The following NINL variants were observed in gnomAD, a reference collection of about 807,000 sequenced individuals.
NINL encodes ninein like, also known as ninein-like protein.
Under a neutral mutation model 160.3 loss-of-function variants are expected in NINL, and 153 were observed. That is an observed-to-expected ratio of 0.95 (90% CI 0.84 to 1.09). The LOEUF is 1.09. Among genes scored for constraint, NINL ranks in the 50% least tolerant of loss-of-function variants. The pLI is 0.00. For synonymous variants in NINL, 800 were observed against 734.8 expected, an observed-to-expected ratio of 1.09 and a Z score of -1.43; for missense variants, 1,829 against 1,764.0, an observed-to-expected ratio of 1.04 and a Z score of -0.66.
chr20:25,494,761 G>A (rs2063717407), intron 10 of NINL, among the ~76,000 whole-genome samples: 1 of 152,338 alleles, frequency 6.6e-6, no homozygotes, highest in East Asian at 1.9e-4. Context: ...TGGAGATGGG[G>A]GGCGCCCACT....
At chr20:25,548,351 G>A (rs907439503) in intron 1 of NINL, among the ~76,000 whole-genome samples, 1 of 152,180 alleles carries the variant, frequency 6.6e-6, no homozygotes, top group Non-Finnish European at 1.5e-5. Context: ...TCACCACTGA[G>A]CTCCACAAGA....
chr20:25,476,476 G>A lies in NINL; in HGVS notation c.2815C>T (p.Arg939Trp), dbSNP rs776775725. The A allele has an allele frequency of 2.5e-5, 40 of 1,606,112 alleles. No individual in the cohort carries two copies. The South Asian group carries it at 3.4e-4, about 14-fold the overall frequency. ...TCTGTTCCCAGCAGAGGCAGCTCCC[G>A]GGCTCCAGGCTGCTCCAGCCCCGCT... The part of the protein sequence containing the change: ...SAAGLEQPGA[R>W]ELPLLGTERD... The change falls in exon 17 of 24, where the codon CGG (arginine) becomes TGG (tryptophan). Residue 939 changes from arginine (R) to tryptophan (W), a missense_variant. By Grantham distance (101) the Arg-to-Trp change is moderately radical (BLOSUM62 -3). Coordinates refer to ENST00000278886, the MANE Select transcript of NINL (RefSeq NM_025176.6).
intron 21 of NINL, among the ~76,000 whole-genome samples, chr20:25,460,288 C>T (rs927763992): frequency 6.6e-6 from 1 of 152,202 alleles, no homozygotes; most frequent in East Asian, 1.9e-4. Context: ...CTGGAAGCCC[C>T]CAGCTTCCTG....
chr20:25,461,608 C>G lies in NINL; in HGVS notation c.3610G>C (p.Glu1204Gln), dbSNP rs780320692. 2 of 1,612,690 alleles carry G rather than the reference C, an allele frequency of 1.2e-6. No individual in the cohort carries two copies. Among genetic ancestry groups the G allele is most frequent in the Non-Finnish European group, 1.7e-6 (2 of 1,179,456 alleles). The change falls in exon 21 of 24, where the codon GAA (glutamate) becomes CAA (glutamine). Residue 1204 changes from glutamate to glutamine, a missense_variant. By Grantham distance (29) the Glu-to-Gln change is conservative. Coordinates refer to ENST00000278886, the MANE Select transcript of NINL (RefSeq NM_025176.6). ...QSDQIQKLRVELECLNQEHQS... is the reference protein window; with the variant it reads ...QSDQIQKLRVQLECLNQEHQS... ...TGTTCCTGATTCAGGCATTCAAGTT[C>G]AACTCTAAGTTTTTGGATTTGGTCA...
At chr20:25,537,286 T>C (rs966286473) in intron 1 of NINL, among the ~76,000 whole-genome samples, 2 of 152,032 alleles carry the variant, frequency 1.3e-5, no homozygotes, top group African/African-American at 4.8e-5. Flanking sequence ...CTTCCCTATG[T>C]TACCCAGGCT....
intron 7 of NINL, among the ~76,000 whole-genome samples, chr20:25,502,716 G>A (rs1182912616): frequency 6.6e-6 from 1 of 152,074 alleles, no homozygotes; most frequent in African/African-American, 2.4e-5. Flanking sequence ...CATGAGACCT[G>A]GTTGTTTAAA....
intron 14 of NINL, among the ~76,000 whole-genome samples, chr20:25,481,202 G>A (rs529653832): frequency 6.8e-4 from 104 of 152,310 alleles, no homozygotes; most frequent in Admixed American, 1.8e-3. Context: ...CTTCTCTGAG[G>A]GGCTGAGGTT....
At chr20:25,491,307 C>G (rs373829537) in intron 11 of NINL, 44 bp downstream of exon 11, 14 of 1,565,402 alleles carry the variant, frequency 8.9e-6, no homozygotes, top group Non-Finnish European at 1.0e-5. Flanking sequence ...GGGGAATGCT[C>G]AGGCACCCCC....
intron 5 of NINL, among the ~76,000 whole-genome samples, chr20:25,507,786 C>T (rs1364977070): frequency 2.6e-5 from 4 of 152,318 alleles, no homozygotes; most frequent in Middle Eastern, 3.4e-3. Flanking sequence ...AGGCCACCTT[C>T]GAGGTCCCTT....
chr20:25,511,680 A>C (rs751021433), intron 4 of NINL, among the ~76,000 whole-genome samples: 14 of 152,226 alleles, frequency 9.2e-5, no homozygotes, highest in Admixed American at 4.6e-4. Context: ...ATCCACCACA[A>C]GGAGGAGATT....
intron 1 of NINL, among the ~76,000 whole-genome samples, chr20:25,561,590 G>A (rs935537800): frequency 6.6e-6 from 1 of 151,510 alleles, no homozygotes; most frequent in African/African-American, 2.4e-5. Flanking sequence ...GAAGTGAGGA[G>A]CACCTCTTCC....
chr20:25,466,597 C>T (rs2062919338), intron 19 of NINL, among the ~76,000 whole-genome samples: 2 of 150,954 alleles, frequency 1.3e-5, no homozygotes, highest in East Asian at 2.0e-4. Flanking sequence ...GTCAGGAGTT[C>T]GAGACCGGCC....
chr20:25,534,830 C>T (rs1046443217), intron 1 of NINL, among the ~76,000 whole-genome samples: 2 of 152,174 alleles, frequency 1.3e-5, no homozygotes, highest in African/African-American at 4.8e-5. Flanking sequence ...TGCATATCCT[C>T]CTGTATACTT....
chr20:25,557,496 A>G (rs2064880530), intron 1 of NINL, among the ~76,000 whole-genome samples: 1 of 151,812 alleles, frequency 6.6e-6, no homozygotes, highest in Non-Finnish European at 1.5e-5. Flanking sequence ...ACACCACTGC[A>G]CTCCACCCTG....
At chr20:25,454,907 C>A (rs1345730932) in intron 23 of NINL, among the ~76,000 whole-genome samples, 1 of 152,156 alleles carries the variant, frequency 6.6e-6, no homozygotes, top group African/African-American at 2.4e-5. Context: ...AAAGATAGAT[C>A]CTGTCATGCT....
chr20:25,560,838 GA>G (rs1289095083), intron 1 of NINL, among the ~76,000 whole-genome samples: 5 of 152,042 alleles, frequency 3.3e-5, no homozygotes, highest in Non-Finnish European at 1.5e-5. Context: ...CAACAACAAA[GA>G]TAGTAAAAAT....
Position 25,579,217 on chromosome 20 carries a change from C to T in NINL, c.-12+6238G>A, listed in dbSNP as rs190637468. On this transcript the variant is annotated intron_variant, in intron 1 of 23. Coordinates refer to ENST00000278886, the MANE Select transcript of NINL (RefSeq NM_025176.6). ...TGGAATTTGCAGAGCCTCTCCAGAC[C>T]GGAGCACCCCTGACCTCCATGTGAC... 3.0e-4 allele frequency among the ~76,000 whole-genome samples: 45 copies of T among 152,200 alleles called. 1 individual carries two copies. In the East Asian group the frequency reaches 7.4e-3, roughly 25 times the overall value.
chr20:25,550,442 G>A (rs2064793159), intron 1 of NINL, among the ~76,000 whole-genome samples: 1 of 152,140 alleles, frequency 6.6e-6, no homozygotes, highest in South Asian at 2.1e-4. Flanking sequence ...TATAGATGAG[G>A]AAAAGTGGGC....
At chr20:25,509,620 G>A (rs1250255143) in intron 5 of NINL, 1 of 455,626 alleles carries the variant, frequency 2.2e-6, no homozygotes, top group Non-Finnish European at 4.4e-6. Context: ...CACCTGGGTA[G>A]TTCCTTAGAG....
Sources: gnomAD v4.1 joint callset for allele counts (sites outside exome capture counted in the v4.1 genomes callset) on GRCh38, gnomAD v4.1.1 for gene constraint, MANE v1.5 for transcripts, NCBI Gene and HGNC (gene_info 2026-07-23, HGNC 2026-07-21) for gene names.